The following KCTD15 variants were observed in gnomAD, a reference collection of about 807,000 sequenced individuals.
KCTD15 encodes potassium channel tetramerization domain containing 15, also known as BTB/POZ domain-containing protein KCTD15.
KCTD15 carries 11 observed loss-of-function variants against 27.2 expected under a neutral mutation model. That is an observed-to-expected ratio of 0.41 (90% CI 0.25 to 0.67). The LOEUF is 0.67. Among genes scored for constraint, KCTD15 ranks in the 30% least tolerant of loss-of-function variants. The pLI is 0.35. For missense variants in KCTD15, 350 were observed against 409.3 expected, an observed-to-expected ratio of 0.86 and a Z score of 1.25; for synonymous variants, 163 against 176.0, an observed-to-expected ratio of 0.93 and a Z score of 0.58.
chr19:33,806,085 G>A (rs926048051), intron 4 of KCTD15, among the ~76,000 whole-genome samples: 1 of 152,266 alleles, frequency 6.6e-6, no homozygotes, highest in Non-Finnish European at 1.5e-5. Flanking sequence ...GTGCATGTGT[G>A]TGCATGGTTT....
At chr19:33,803,336 TTATAA>T (rs1045882119) in intron 4 of KCTD15, among the ~76,000 whole-genome samples, 3 of 152,208 alleles carry the variant, frequency 2.0e-5, no homozygotes, top group Non-Finnish European at 2.9e-5. Context: ...TAGTGGATTA[TTATAA>T]TATAAGCAGT....
Position 33,813,378 on chromosome 19 carries a change from A to T in KCTD15, c.*430A>T, listed in dbSNP as rs942194029. ...TTATTTTCTACAGTATTTAAAATGGATGCAGCCCTAACTGCAAAAGTCAGA... is the reference window on the plus strand; with the variant it reads ...TTATTTTCTACAGTATTTAAAATGGTTGCAGCCCTAACTGCAAAAGTCAGA... On this transcript the variant is annotated 3_prime_UTR_variant, in exon 7 of 7. Coordinates refer to ENST00000683859, the MANE Select transcript of KCTD15 (RefSeq NM_001129994.2). 1 of 465,112 alleles carries T rather than the reference A, an allele frequency of 2.2e-6. No individual in the cohort carries two copies. 28.8% of individuals were successfully genotyped at this position (465,112 alleles called of 1,614,324 possible).
At chr19:33,811,128 C>A (rs1201400903) in intron 5 of KCTD15, 119 bp from the exon 6 acceptor site, 6 of 835,846 alleles carry the variant, frequency 7.2e-6, no homozygotes, top group Non-Finnish European at 1.8e-6. Context: ...CCACACAATA[C>A]CCTGCGAGTC....
chr19:33,795,728 A>AG (rs1336409989), upstream of KCTD15, among the ~76,000 whole-genome samples: 4 of 152,092 alleles, frequency 2.6e-5, no homozygotes, highest in African/African-American at 9.7e-5. Context: ...AAAAGGAGGA[A>AG]GGGGCGGCCG....
upstream of KCTD15, chr19:33,796,269 G>A (rs943047250): frequency 2.7e-5 from 4 of 150,158 alleles, no homozygotes; most frequent in Non-Finnish European, 4.5e-5. Flanking sequence ...TGGCCGGCCG[G>A]CGGGGGGCGG....
chr19:33,794,512 A>G (rs1975263669), upstream of KCTD15, among the ~76,000 whole-genome samples: 1 of 152,252 alleles, frequency 6.6e-6, no homozygotes, highest in African/African-American at 2.4e-5. Flanking sequence ...GATGAGGGAC[A>G]AAAGAGGTGT....
chr19:33,812,130 C>A (rs1048606905), intron 6 of KCTD15: 2 of 1,256,642 alleles, frequency 1.6e-6, no homozygotes, highest in Non-Finnish European at 2.0e-6. Context: ...GGAAGAGGGC[C>A]CCCTGTGCAC....
Position 33,811,430 on chromosome 19 carries a change from G to C in KCTD15, c.571G>C (p.Glu191Gln). Residue 191 changes from glutamate to glutamine, a missense_variant, in exon 6 of 7, where the codon GAG becomes CAG. Physicochemically the swap from Glu to Gln is conservative, Grantham distance 29. Around this residue, in one of 3 missense-constraint regions of KCTD15, gnomAD observed 219 missense variants for 234.9 expected, o/e 0.93. Coordinates refer to ENST00000683859, the MANE Select transcript of KCTD15 (RefSeq NM_001129994.2). ...ACTCAGCGGCGAGAAGGCCCTCATC[G>C]AGGAGGTCTTCCCCGAGACCGGAGA... Reference protein sequence around the residue: ...IALSGEKALIEEVFPETGDVM... With the variant: ...IALSGEKALIQEVFPETGDVM... 6.2e-7 allele frequency: 1 copy of C among 1,612,296 alleles called. No homozygotes were observed. Among genetic ancestry groups the C allele is most frequent in the Non-Finnish European group, 8.5e-7 (1 of 1,179,590 alleles).
intron 6 of KCTD15, 197 bp from the exon 7 acceptor site, chr19:33,812,593 C>T: frequency 7.8e-7 from 1 of 1,287,980 alleles, no homozygotes; most frequent in Non-Finnish European, 9.8e-7. Context: ...GGTCACTGGG[C>T]CTGGCCACTT....
rs537537024 is a variant in KCTD15 at position 33,798,754 on chromosome 19, G to T, written c.-40G>T. 3 of 152,680 alleles carry T rather than the reference G, an allele frequency of 2.0e-5. No homozygotes were observed. The highest frequency in any genetic ancestry group is 4.4e-5 in the Non-Finnish European group (3 of 68,058). The allele number at this position is 152,680 out of a possible 1,614,324, so 9.5% of individuals were successfully genotyped here. A position where few individuals can be genotyped will look rare whatever the true frequency, so the allele number is the denominator to read the frequency against. ...AGATTCACGGCAAGGCGTAAAGCCT[G>T]GGGCTTCCAACGGTAAGTTTCTGGC... is the stretch of plus-strand genomic sequence containing the variant. On this transcript the variant is annotated 5_prime_UTR_variant, in exon 2 of 7. Coordinates refer to ENST00000683859, the MANE Select transcript of KCTD15 (RefSeq NM_001129994.2).
Position 33,811,393 on chromosome 19 carries a change from C to T in KCTD15, c.534C>T (p.Gly178=), listed in dbSNP as rs1178401566. 6 of 1,604,092 alleles carry T rather than the reference C, an allele frequency of 3.7e-6. No individual in the cohort carries two copies. Among genetic ancestry groups the T allele is most frequent in the South Asian group, 1.1e-5 (1 of 89,600 alleles). Residue 178 remains glycine (G), a synonymous_variant, in exon 6 of 7, where the codon GGC becomes GGT. Transcript: ENST00000683859. ...TGGTGCGCGTCACGCCCGACTTGGG[C>T]GAGCGGATCGCACTCAGCGGCGAGA... ...CLVVRVTPDL[G]ERIALSGEKA...
chr19:33,811,242 C>T lies in KCTD15; in HGVS notation c.388-5C>T, dbSNP rs747655133. The stretch of plus-strand genomic sequence containing the variant: ...CACATCAACACCCTGTGCGCCTGTC[C>T]CCAGGACTTCAGTCTGCTGTACGAG... On this transcript the variant is annotated splice_polypyrimidine_tract_variant and splice_region_variant and intron_variant, in intron 5 of 6. Transcript: ENST00000683859. 5 of 1,498,290 alleles carry T rather than the reference C, an allele frequency of 3.3e-6. No homozygotes were observed. Among genetic ancestry groups the T allele is most frequent in the Non-Finnish European group, 4.5e-6 (5 of 1,123,204 alleles). 92.8% of individuals were successfully genotyped at this position (1,498,290 alleles called of 1,614,324 possible). A position where few individuals can be genotyped will look rare whatever the true frequency, so the allele number is the denominator to read the frequency against.
upstream of KCTD15, chr19:33,795,797 T>C (rs1487719774): frequency 6.6e-6 from 1 of 151,836 alleles, no homozygotes; most frequent in East Asian, 1.9e-4. Context: ...GAGTCTTGGC[T>C]GCCGCCGTCT....
At chr19:33,801,921 G>A (rs1975565877) in intron 4 of KCTD15, among the ~76,000 whole-genome samples, 1 of 152,164 alleles carries the variant, frequency 6.6e-6, no homozygotes, top group Admixed American at 6.5e-5. Context: ...GTGCTGCAGT[G>A]ACTAGCTAGG....
chr19:33,797,271 T>C, intron 1 of KCTD15: 2 of 306,262 alleles, frequency 6.5e-6, no homozygotes, highest in Non-Finnish European at 6.4e-6. Flanking sequence ...TGTGTGTGTG[T>C]GTGTGTGTGT....
intron 4 of KCTD15, among the ~76,000 whole-genome samples, chr19:33,805,006 C>T (rs970064373): frequency 1.3e-5 from 2 of 152,008 alleles, no homozygotes; most frequent in African/African-American, 4.8e-5. Context: ...CGGCTCATTG[C>T]AACCTCAAAC....
chr19:33,807,586 G>T (rs1234976491), intron 5 of KCTD15, among the ~76,000 whole-genome samples: 1 of 152,202 alleles, frequency 6.6e-6, no homozygotes, highest in Non-Finnish European at 1.5e-5. Context: ...GCCAGGCGTG[G>T]TGGCAGGCCT....
chr19:33,813,253 G>T lies in KCTD15; in HGVS notation c.*305G>T, dbSNP rs1029319720. 1.6e-6 allele frequency: 1 copy of T among 619,490 alleles called. No individual in the cohort carries two copies. The highest frequency in any genetic ancestry group is 3.0e-6 in the Non-Finnish European group (1 of 332,226). The allele number at this position is 619,490 out of a possible 1,614,324, so 38.4% of individuals were successfully genotyped here. On this transcript the variant is annotated 3_prime_UTR_variant, in exon 7 of 7. Transcript: ENST00000683859. ...CTCTGAGGCCCCGGGGCCTGTTGGG[G>T]CGGGGTTGGAAGAGCCGTCTGCAGC...
Position 33,813,104 on chromosome 19 carries a change from A to G in KCTD15, c.*156A>G, listed in dbSNP as rs1487393625. 2 of 733,336 alleles carry G rather than the reference A, an allele frequency of 2.7e-6. No homozygotes were observed. Among genetic ancestry groups the G allele is most frequent in the Non-Finnish European group, 4.5e-6 (2 of 439,684 alleles). The allele number at this position is 733,336 out of a possible 1,614,324, so 45.4% of individuals were successfully genotyped here. A position where few individuals can be genotyped will look rare whatever the true frequency, so the allele number is the denominator to read the frequency against. On this transcript the variant is annotated 3_prime_UTR_variant, in exon 7 of 7. Transcript: ENST00000683859. ...GCACCAGGGTCCCAGGTGTCATGGCAACAGAACGTGGGATGCTGGAGGCAT... is the reference window on the plus strand; with the variant it reads ...GCACCAGGGTCCCAGGTGTCATGGCGACAGAACGTGGGATGCTGGAGGCAT...
Sources: gnomAD v4.1 joint callset for allele counts (sites outside exome capture counted in the v4.1 genomes callset) on GRCh38, gnomAD v4.1.1 for gene constraint, gnomAD v4.1.1 regional missense constraint, MANE v1.5 for transcripts, NCBI Gene and HGNC (gene_info 2026-07-23, HGNC 2026-07-21) for gene names.